SLC4A10: variants seen among roughly 807,000 people sequenced by gnomAD.
The protein encoded by SLC4A10 is sodium-driven chloride bicarbonate exchanger.
In SLC4A10, 42 loss-of-function variants were observed where a neutral mutation model predicts 137.7. That is an observed-to-expected ratio of 0.30 (90% CI 0.24 to 0.39). SLC4A10 has a LOEUF of 0.39. Ranked by LOEUF, SLC4A10 falls within the 10% of genes least tolerant of loss-of-function variation. The probability of loss-of-function intolerance (pLI) is 1.00; values close to 1 mark genes in which losing one functional copy is unlikely to be tolerated. For missense variants in SLC4A10, 925 were observed against 1,355.0 expected (o/e 0.68, Z 4.98); for synonymous variants, 474 against 464.1 (o/e 1.02, Z -0.27).
chr2:161,700,658 C>A (rs1218910547), intron 1 of SLC4A10, among the ~76,000 whole-genome samples: 1 of 152,080 alleles, frequency 6.6e-6, no homozygotes, highest in Non-Finnish European at 1.5e-5. Context: ...ACAATATTAA[C>A]TGTATTTTAC....
chr2:161,632,830 T>G (rs576633877), intron 1 of SLC4A10, among the ~76,000 whole-genome samples: 2 of 151,700 alleles, frequency 1.3e-5, no homozygotes, highest in Non-Finnish European at 3.0e-5. Flanking sequence ...ATCAACAAAA[T>G]AGAAAAATCA....
At chr2:161,803,528 C>T (rs1170356666) in intron 2 of SLC4A10, among the ~76,000 whole-genome samples, 1 of 152,128 alleles carries the variant, frequency 6.6e-6, no homozygotes, top group East Asian at 1.9e-4. Context: ...ATCCCTATAC[C>T]TTCTCCCTGA....
chr2:161,828,787 TATATATA>T (rs2058210678), intron 3 of SLC4A10, among the ~76,000 whole-genome samples: 1 of 113,598 alleles, frequency 8.8e-6, no homozygotes, highest in Non-Finnish European at 1.8e-5. Context: ...TATATATATA[TATATATA>T]TATATATATA....
At chr2:161,930,261 A>T (rs1256225818) in intron 15 of SLC4A10, among the ~76,000 whole-genome samples, 1 of 152,184 alleles carries the variant, frequency 6.6e-6, no homozygotes, top group Non-Finnish European at 1.5e-5. Flanking sequence ...TCCATGAGAA[A>T]AGCCTGTGTT....
At chr2:161,802,901 C>T (rs951711926) in intron 2 of SLC4A10, among the ~76,000 whole-genome samples, 1 of 152,006 alleles carries the variant, frequency 6.6e-6, no homozygotes, top group African/African-American at 2.4e-5. Flanking sequence ...CCTTAATTAC[C>T]TCTATAAAGG....
chr2:161,787,061 C>T (rs2053708483), intron 2 of SLC4A10, among the ~76,000 whole-genome samples: 1 of 151,854 alleles, frequency 6.6e-6, no homozygotes, highest in South Asian at 2.1e-4. Context: ...AGAGTATTGT[C>T]CTTTTTCCCC....
chr2:161,825,980 G>A (rs2057995587), intron 3 of SLC4A10, among the ~76,000 whole-genome samples: 1 of 152,024 alleles, frequency 6.6e-6, no homozygotes, highest in Non-Finnish European at 1.5e-5. Flanking sequence ...TGTTCTTGGT[G>A]CTTCATCTGA....
At chr2:161,803,937 T>C (rs544299214) in intron 2 of SLC4A10, among the ~76,000 whole-genome samples, 193 of 152,288 alleles carry the variant, frequency 1.3e-3, no homozygotes, top group African/African-American at 4.6e-3. Context: ...CCTTGGGACT[T>C]TTATTAAGTA....
At chr2:161,815,950 AC>A (rs2057018466) in intron 3 of SLC4A10, among the ~76,000 whole-genome samples, 1 of 152,128 alleles carries the variant, frequency 6.6e-6, no homozygotes, top group Non-Finnish European at 1.5e-5. Flanking sequence ...TTTATCAGTG[AC>A]AAATGTTTGG....
At chr2:161,672,137 A>G (rs1018308014) in intron 1 of SLC4A10, among the ~76,000 whole-genome samples, 2 of 152,192 alleles carry the variant, frequency 1.3e-5, no homozygotes, top group Admixed American at 1.3e-4. Context: ...GTTTGGGATC[A>G]GTTCATTAAA....
At chr2:161,643,291 C>A (rs2035559698) in intron 1 of SLC4A10, among the ~76,000 whole-genome samples, 1 of 152,014 alleles carries the variant, frequency 6.6e-6, no homozygotes, top group Non-Finnish European at 1.5e-5. Context: ...AAGGGTTTTA[C>A]TTTTTATTGC....
chr2:161,895,483 G>A lies in SLC4A10; in HGVS notation c.1341+658G>A, dbSNP rs533508628. Among the ~76,000 whole-genome samples, 51 of 152,174 alleles carry A rather than the reference G, an allele frequency of 3.4e-4. No homozygotes were observed. The South Asian group carries it at 8.5e-3, about 25-fold the overall frequency. Reference sequence around the variant, plus strand: ...TCTAGTTCTAGATCCCTGAGGAATCGCCACACTGACTTCCACAAGGGTTGA... The same window carrying A: ...TCTAGTTCTAGATCCCTGAGGAATCACCACACTGACTTCCACAAGGGTTGA... On this transcript the variant is annotated intron_variant, in intron 11 of 26. Coordinates refer to ENST00000446997, the MANE Select transcript of SLC4A10 (RefSeq NM_001178015.2).
In SLC4A10 at chr2:161,900,958, G is replaced by T; in HGVS notation, c.1389G>T (p.Gly463=). ...TACCAAATGGAACAGCAGCTCATGGGGAAGCAGAGCCCCACGGAGGACATA... is the reference window on the plus strand; with the variant it reads ...TACCAAATGGAACAGCAGCTCATGGTGAAGCAGAGCCCCACGGAGGACATA... ...PAVPNGTAAH[G]EAEPHGGHSG... The change falls in exon 12 of 27, where the codon GGG becomes GGT. Residue 463 remains glycine (G), a synonymous_variant. Coordinates refer to ENST00000446997, the MANE Select transcript of SLC4A10 (RefSeq NM_001178015.2). 6.4e-7 allele frequency: 1 copy of T among 1,568,958 alleles called. No homozygotes were observed.
At chr2:161,847,319 C>T (rs2059567377) in intron 4 of SLC4A10, among the ~76,000 whole-genome samples, 1 of 151,488 alleles carries the variant, frequency 6.6e-6, no homozygotes, top group Non-Finnish European at 1.5e-5. Flanking sequence ...ACACAGAGCC[C>T]AAATCTTATC....
chr2:161,766,326 G>A (rs1455006602), intron 1 of SLC4A10, among the ~76,000 whole-genome samples: 4 of 152,130 alleles, frequency 2.6e-5, no homozygotes, highest in African/African-American at 4.8e-5. Context: ...TGTTTTGGTT[G>A]AGGATAGCAT....
chr2:161,712,653 C>G (rs1277498471), intron 1 of SLC4A10, among the ~76,000 whole-genome samples: 1 of 151,670 alleles, frequency 6.6e-6, no homozygotes, highest in Non-Finnish European at 1.5e-5. Context: ...TTTTGAATTG[C>G]TGGTGATTAT....
chr2:161,648,577 G>C (rs1457882625), intron 1 of SLC4A10, among the ~76,000 whole-genome samples: 1 of 152,120 alleles, frequency 6.6e-6, no homozygotes, highest in Non-Finnish European at 1.5e-5. Flanking sequence ...AAAATAGAGA[G>C]CTAAGGTTTC....
intron 1 of SLC4A10, among the ~76,000 whole-genome samples, chr2:161,629,133 C>G (rs1040693571): frequency 1.3e-5 from 2 of 151,966 alleles, no homozygotes; most frequent in African/African-American, 4.8e-5. Flanking sequence ...GACTTCAACT[C>G]TTCCTTTCCC....
At chr2:161,854,334 C>G (rs2059984159) in intron 4 of SLC4A10, among the ~76,000 whole-genome samples, 1 of 152,108 alleles carries the variant, frequency 6.6e-6, no homozygotes, top group Non-Finnish European at 1.5e-5. Flanking sequence ...ACAGTGGTCC[C>G]CCATTTGACA....
Sources: gnomAD v4.1 joint callset for allele counts (sites outside exome capture counted in the v4.1 genomes callset) on GRCh38, gnomAD v4.1.1 for gene constraint, MANE v1.5 for transcripts, NCBI Gene and HGNC (gene_info 2026-07-23, HGNC 2026-07-21) for gene names.